DLG2: variants seen among roughly 807,000 people sequenced by gnomAD.
DLG2 encodes disks large homolog 2.
Under a neutral mutation model 132.5 loss-of-function variants are expected in DLG2, and 45 were observed. The observed-to-expected ratio is 0.34, with a 90% CI of 0.27 to 0.44. The LOEUF (loss-of-function observed/expected upper bound fraction) is 0.44, where lower values mean the gene tolerates loss of function less well. DLG2 is among the 20% of genes least tolerant of loss of function. The pLI, the probability that DLG2 is intolerant of heterozygous loss-of-function variation, is 1.00. For missense variants in DLG2, 1,045 were observed against 1,196.9 expected (o/e 0.87, Z 1.87); for synonymous variants, 424 against 419.6 (o/e 1.01, Z -0.13).
chr11:83,588,694 G>A (rs1340998824), intron 19 of DLG2, among the ~76,000 whole-genome samples: 1 of 151,552 alleles, frequency 6.6e-6, no homozygotes, highest in East Asian at 2.0e-4. Flanking sequence ...ATTACTCTGA[G>A]CTACGGGAGG....
intron 7 of DLG2, among the ~76,000 whole-genome samples, chr11:84,520,059 A>C (rs938457203): frequency 7.2e-5 from 11 of 152,186 alleles, no homozygotes; most frequent in Non-Finnish European, 1.2e-4. Flanking sequence ...ATCTCATTGA[A>C]GATTTTCTAC....
At chr11:85,169,057 A>C (rs911380388) in intron 4 of DLG2, among the ~76,000 whole-genome samples, 2 of 152,104 alleles carry the variant, frequency 1.3e-5, no homozygotes, top group African/African-American at 4.8e-5. Context: ...ATATAAAGTG[A>C]AGTAGTATTT....
At chr11:85,449,383 A>C (rs1007882461) in intron 3 of DLG2, among the ~76,000 whole-genome samples, 33 of 151,930 alleles carry the variant, frequency 2.2e-4, no homozygotes, top group African/African-American at 8.0e-4. Context: ...CTTTAACTCT[A>C]TCCTTTATTT....
intron 7 of DLG2, among the ~76,000 whole-genome samples, chr11:84,286,778 C>T (rs1001668229): frequency 1.3e-5 from 2 of 152,084 alleles, no homozygotes; most frequent in African/African-American, 2.4e-5. Context: ...TCAGAGATGC[C>T]CCTGAGCCAT....
chr11:84,886,080 C>A (rs2088245081), intron 6 of DLG2, among the ~76,000 whole-genome samples: 1 of 152,066 alleles, frequency 6.6e-6, no homozygotes, highest in South Asian at 2.1e-4. Context: ...ACACAAAAAT[C>A]CCTTAAAGGA....
chr11:84,115,519 CT>C (rs2093592176), intron 9 of DLG2, among the ~76,000 whole-genome samples: 1 of 152,192 alleles, frequency 6.6e-6, no homozygotes, highest in Non-Finnish European at 1.5e-5. Context: ...TCACGGACAC[CT>C]GTCTCCTCTT....
At chr11:83,769,522 GT>G (rs2094291547) in intron 18 of DLG2, among the ~76,000 whole-genome samples, 1 of 151,024 alleles carries the variant, frequency 6.6e-6, no homozygotes, top group Admixed American at 6.6e-5. Context: ...GGAGTGTATG[GT>G]TAGGGAAGGC....
intron 3 of DLG2, among the ~76,000 whole-genome samples, chr11:85,341,811 C>T (rs1263274443): frequency 1.3e-5 from 2 of 152,180 alleles, no homozygotes; most frequent in South Asian, 2.1e-4. Context: ...TACACACTTA[C>T]ACTATATGGT....
chr11:85,521,425 A>G (rs911796743), intron 3 of DLG2, among the ~76,000 whole-genome samples: 1 of 152,212 alleles, frequency 6.6e-6, no homozygotes, highest in African/African-American at 2.4e-5. Context: ...CTGTGAGTCA[A>G]TTAAACTTCT....
chr11:84,948,950 C>G (rs1205040794), intron 6 of DLG2, among the ~76,000 whole-genome samples: 1 of 152,170 alleles, frequency 6.6e-6, no homozygotes, highest in African/African-American at 2.4e-5. Context: ...TTGACAGTTA[C>G]TGCGTTCATT....
At chr11:83,978,678 A>G (rs2092504504) in intron 12 of DLG2, among the ~76,000 whole-genome samples, 1 of 152,176 alleles carries the variant, frequency 6.6e-6, no homozygotes, top group South Asian at 2.1e-4. Flanking sequence ...GACTGAAGTC[A>G]TTAATGGTAT....
intron 3 of DLG2, among the ~76,000 whole-genome samples, chr11:85,463,646 C>CTATA (rs1188581815): frequency 1.3e-5 from 2 of 152,180 alleles, no homozygotes; most frequent in East Asian, 3.9e-4. Context: ...TTGTGTGCAT[C>CTATA]TATAATCCCA....
intron 17 of DLG2, among the ~76,000 whole-genome samples, chr11:83,806,246 A>G (rs1224112673): frequency 6.6e-6 from 1 of 151,998 alleles, no homozygotes; most frequent in Admixed American, 6.6e-5. Context: ...TTTTATTATT[A>G]TTTTTCAGGT....
chr11:85,471,919 T>TA lies in DLG2; in HGVS notation c.40+126737dup, dbSNP rs1030596298. 9.9e-5 allele frequency among the ~76,000 whole-genome samples: 15 copies of TA among 151,864 alleles called. No homozygotes were observed. In the East Asian group the frequency reaches 1.7e-3, roughly 18 times the overall value. On this transcript the variant is annotated intron_variant, in intron 3 of 27. Transcript: ENST00000376104. ...AGAATTATATAAGCAATCTTAGATT[T>TA]AAAAAAAAGACCCACAAGGAACCAT...
Position 83,913,506 on chromosome 11 carries a change from G to A in DLG2, c.1496+16822C>T, listed in dbSNP as rs547018996. Among the ~76,000 whole-genome samples, 8 of 152,192 alleles carry A rather than the reference G, an allele frequency of 5.3e-5. No homozygotes were observed. In the East Asian group the frequency reaches 9.7e-4, roughly 18 times the overall value. On this transcript the variant is annotated intron_variant, in intron 15 of 27. Transcript: ENST00000376104. ...TTGATAAGGCAAACATGGAAATCAA[G>A]TAATTAATAATAATAATAATGTAGG... is the stretch of plus-strand genomic sequence containing the variant.
chr11:84,542,621 G>A (rs2099378139), intron 6 of DLG2, among the ~76,000 whole-genome samples: 1 of 152,094 alleles, frequency 6.6e-6, no homozygotes, highest in African/African-American at 2.4e-5. Flanking sequence ...TGCTTGGGCT[G>A]AAAGGAAGCA....
At chr11:84,661,064 T>G (rs1475963874) in intron 6 of DLG2, among the ~76,000 whole-genome samples, 1 of 152,308 alleles carries the variant, frequency 6.6e-6, no homozygotes, top group East Asian at 1.9e-4. Context: ...TCTACAGATA[T>G]AAAATAAAAT....
chr11:85,520,560 C>T (rs185717409), intron 3 of DLG2, among the ~76,000 whole-genome samples: 2 of 147,860 alleles, frequency 1.4e-5, no homozygotes, highest in African/African-American at 5.0e-5. Flanking sequence ...CCAATGCTAC[C>T]CTTAGTAAAA....
At chr11:84,763,356 G>A (rs894955086) in intron 6 of DLG2, 4 of 152,214 alleles carry the variant, frequency 2.6e-5, no homozygotes, top group African/African-American at 7.2e-5. Flanking sequence ...GAAGTGTATC[G>A]TAAGTCCTCA....
Sources: allele counts gnomAD v4.1 joint callset (sites outside exome capture counted in the v4.1 genomes callset), GRCh38; gene constraint gnomAD v4.1.1; transcripts MANE v1.5; gene names NCBI Gene and HGNC (gene_info 2026-07-23, HGNC 2026-07-21).